TLE1: variants seen among roughly 807,000 people sequenced by gnomAD.
The protein encoded by TLE1 is transducin-like enhancer protein 1.
Under a neutral mutation model 89.8 loss-of-function variants are expected in TLE1, and 21 were observed. The observed-to-expected ratio is 0.23, with a 90% confidence interval of 0.17 to 0.34. TLE1 has a LOEUF of 0.34. Ranked by LOEUF, TLE1 falls within the 10% of genes least tolerant of loss-of-function variation. TLE1 has a pLI of 1.00. For synonymous variants in TLE1, 447 were observed against 407.6 expected, an observed-to-expected ratio of 1.10 and a Z score of -1.16; for missense variants, 795 against 1,031.2, an observed-to-expected ratio of 0.77 and a Z score of 3.14.
At chr9:81,605,802 C>CAA (rs60746596) in intron 14 of TLE1, among the ~76,000 whole-genome samples, 23 of 132,700 alleles carry the variant, frequency 1.7e-4, no homozygotes, top group African/African-American at 3.6e-4. Context: ...TTCTGCACGG[C>CAA]AAAAAAAAAA....
chr9:81,666,814 A>G (rs904259659), intron 4 of TLE1, among the ~76,000 whole-genome samples: 1 of 151,878 alleles, frequency 6.6e-6, no homozygotes, highest in South Asian at 2.1e-4. Context: ...TAAATAAAAT[A>G]AAATATGCCT....
intron 13 of TLE1, among the ~76,000 whole-genome samples, chr9:81,610,503 T>C (rs1389664038): frequency 2.6e-5 from 4 of 151,904 alleles, no homozygotes; most frequent in Non-Finnish European, 1.5e-5. Flanking sequence ...TTTTGGGAGG[T>C]AGAGAGGAGA....
At chr9:81,670,124 T>A (rs968332741) in intron 4 of TLE1, among the ~76,000 whole-genome samples, 1 of 152,232 alleles carries the variant, frequency 6.6e-6, no homozygotes, top group Admixed American at 6.5e-5. Flanking sequence ...TCAAATCGAA[T>A]GATTCTGCTA....
rs1564033655 is a variant in TLE1, at chr9:81,655,670, A to G, written c.235-1634T>C. On this transcript the variant is annotated intron_variant, in intron 4 of 19. Transcript: ENST00000376499. ...TCAATGCTTACTAAATGCCACCTAT[A>G]TTACTGAATTAAGCAATGAAAAGGA... 3.3e-5 allele frequency among the ~76,000 whole-genome samples: 5 copies of G among 152,218 alleles called. No homozygotes were observed. The South Asian group carries it at 1.0e-3, about 32-fold the overall frequency.
At position 81,689,476 on chromosome 9, in the gene TLE1, TCTG is replaced by T. The variant is rs1259205822; in HGVS notation, c.-1239_-1237del. On this transcript the variant is annotated 5_prime_UTR_variant, in exon 1 of 20. Transcript: ENST00000376499. ...GGGGCACAGAGTACCCGCCGCTGTT[TCTG>T]CTGCTGCTGCTTCTGCAGCCGCCGC... 6.6e-6 allele frequency among the ~76,000 whole-genome samples: 1 copy of T among 152,082 alleles called. No individual in the cohort carries two copies. Among genetic ancestry groups the T allele is most frequent in the African/African-American group, 2.4e-5 (1 of 41,436 alleles).
chr9:81,688,180 G>T (rs769590187), intron 1 of TLE1, 37 bp downstream of exon 1: 1 of 1,600,642 alleles, frequency 6.2e-7, no homozygotes, highest in South Asian at 1.1e-5. Context: ...CCTCCCCAAC[G>T]ATCCTGGCCC....
chr9:81,654,186 T>C (rs1436200979), intron 4 of TLE1, 150 bp from the exon 5 acceptor site: 8 of 653,378 alleles, frequency 1.2e-5, no homozygotes, highest in East Asian at 1.1e-4. Flanking sequence ...CTAATACTTA[T>C]CTTGAAATAA....
At chr9:81,672,347 A>T (rs1832330166) in intron 4 of TLE1, among the ~76,000 whole-genome samples, 1 of 151,506 alleles carries the variant, frequency 6.6e-6, no homozygotes, top group South Asian at 2.1e-4. Context: ...TATTATTATT[A>T]TTTGAGATGG....
At chr9:81,652,104 G>GAT in intron 6 of TLE1, 110 bp downstream of exon 6, 1 of 587,758 alleles carries the variant, frequency 1.7e-6, no homozygotes, top group Non-Finnish European at 2.4e-6. Flanking sequence ...TCAACGTTAA[G>GAT]ATACACACAC....
At chr9:81,655,946 A>C (rs1274911096) in intron 4 of TLE1, among the ~76,000 whole-genome samples, 1 of 152,132 alleles carries the variant, frequency 6.6e-6, no homozygotes, top group Non-Finnish European at 1.5e-5. Flanking sequence ...TTCTAAGATG[A>C]TCTGAATTAA....
At chr9:81,589,682 C>T (rs1169848526) in intron 16 of TLE1, among the ~76,000 whole-genome samples, 1 of 151,956 alleles carries the variant, frequency 6.6e-6, no homozygotes, top group Non-Finnish European at 1.5e-5. Context: ...GCAGGACAGA[C>T]GTTATGAGAA....
At chr9:81,598,318 C>T (rs750631915) in intron 14 of TLE1, among the ~76,000 whole-genome samples, 51 of 152,224 alleles carry the variant, frequency 3.4e-4, no homozygotes, top group South Asian at 1.5e-3. Context: ...TGTTCCCTCC[C>T]GCTAGAACAG....
chr9:81,633,319 G>C, intron 8 of TLE1, 29 bp downstream of exon 8: 1 of 1,584,554 alleles, frequency 6.3e-7, no homozygotes, highest in Non-Finnish European at 8.6e-7. Context: ...GTGTGTGTGT[G>C]TGTGTGCAGC....
At chr9:81,614,254 G>A (rs1030383537) in intron 11 of TLE1, among the ~76,000 whole-genome samples, 2 of 152,276 alleles carry the variant, frequency 1.3e-5, no homozygotes, top group Admixed American at 6.5e-5. Flanking sequence ...CTGGGATTGA[G>A]ACAAATGGTG....
At chr9:81,661,146 A>AAT (rs1181277140) in intron 4 of TLE1, among the ~76,000 whole-genome samples, 2 of 146,488 alleles carry the variant, frequency 1.4e-5, no homozygotes, top group African/African-American at 5.0e-5. Context: ...AATAAAAATA[A>AAT]ATAAAAATAA....
intron 8 of TLE1, among the ~76,000 whole-genome samples, chr9:81,632,303 C>T (rs915065626): frequency 1.3e-5 from 2 of 151,938 alleles, no homozygotes; most frequent in African/African-American, 4.8e-5. Context: ...TTCAACCATT[C>T]CTCACTCCTC....
intron 12 of TLE1, 124 bp downstream of exon 12, chr9:81,613,253 G>A: frequency 7.5e-7 from 1 of 1,339,706 alleles, no homozygotes; most frequent in Non-Finnish European, 1.0e-6. Flanking sequence ...TCAGAGATAG[G>A]AAGGAGGGTG....
chr9:81,595,755 C>A (rs973678401), intron 14 of TLE1, among the ~76,000 whole-genome samples: 3 of 147,938 alleles, frequency 2.0e-5, no homozygotes, highest in African/African-American at 5.0e-5. Flanking sequence ...GGAGGCGGAG[C>A]TTGTGGTGAG....
chr9:81,610,120 G>T, intron 14 of TLE1, 100 bp downstream of exon 14: 1 of 1,057,178 alleles, frequency 9.5e-7, no homozygotes, highest in Non-Finnish European at 1.4e-6. Context: ...AATCTCCTTG[G>T]AAACGCCCAA....
Sources: allele counts gnomAD v4.1 joint callset (sites outside exome capture counted in the v4.1 genomes callset), GRCh38; gene constraint gnomAD v4.1.1; transcripts MANE v1.5; gene names NCBI Gene and HGNC (gene_info 2026-07-23, HGNC 2026-07-21).